NLGN1: variants seen among roughly 807,000 people sequenced by gnomAD.
NLGN1 encodes neuroligin-1.
A neutral mutation model predicts 65.5 loss-of-function variants in NLGN1; 12 were observed. The ratio of observed to expected loss-of-function variants is 0.18; its 90% confidence interval spans 0.12 to 0.30. The LOEUF (loss-of-function observed/expected upper bound fraction) is 0.30. NLGN1 is among the 10% of genes least tolerant of loss of function. The probability of loss-of-function intolerance (pLI) is 1.00; values close to 1 mark genes in which losing one functional copy is unlikely to be tolerated. For missense variants in NLGN1, 750 were observed against 1,007.1 expected (o/e 0.74, Z 3.46); for synonymous variants, 350 against 359.5 (o/e 0.97, Z 0.30).
chr3:173,907,493 T>C (rs1738653345), intron 4 of NLGN1, among the ~76,000 whole-genome samples: 1 of 152,160 alleles, frequency 6.6e-6, no homozygotes, highest in Admixed American at 6.5e-5. Context: ...CTCTTCTCTC[T>C]TCTTATCACA....
chr3:174,026,379 G>A (rs978442245), intron 4 of NLGN1, among the ~76,000 whole-genome samples: 1 of 152,000 alleles, frequency 6.6e-6, no homozygotes. Flanking sequence ...GCCCATTTTG[G>A]CCTCCCAAAG....
intron 4 of NLGN1, among the ~76,000 whole-genome samples, chr3:173,865,656 T>G (rs993830176): frequency 6.6e-6 from 1 of 152,176 alleles, no homozygotes; most frequent in African/African-American, 2.4e-5. Context: ...CCAGGTAGCT[T>G]GATTCCAGAG....
intron 3 of NLGN1, among the ~76,000 whole-genome samples, chr3:173,642,114 A>T (rs773377764): frequency 2.0e-4 from 31 of 152,044 alleles, no homozygotes; most frequent in African/African-American, 7.5e-4. Flanking sequence ...CAGAGACTGG[A>T]TCTACCTCTT....
chr3:174,118,379 G>C (rs559136489), intron 4 of NLGN1, among the ~76,000 whole-genome samples: 211 of 152,128 alleles, frequency 1.4e-3, no homozygotes, highest in African/African-American at 4.9e-3. Flanking sequence ...TTCATTTTTG[G>C]AACACTTAAT....
intron 3 of NLGN1, among the ~76,000 whole-genome samples, chr3:173,702,234 G>A (rs1489877143): frequency 2.4e-5 from 3 of 126,454 alleles, no homozygotes; most frequent in Admixed American, 7.5e-5. Flanking sequence ...GCGAGACTCC[G>A]TCTCAAAAAA....
chr3:173,697,257 G>A (rs1410039794), intron 3 of NLGN1, among the ~76,000 whole-genome samples: 1 of 152,100 alleles, frequency 6.6e-6, no homozygotes, highest in East Asian at 1.9e-4. Flanking sequence ...GATATGCTTG[G>A]GAGTGTGTCA....
chr3:173,956,472 A>G (rs941991255), intron 4 of NLGN1, among the ~76,000 whole-genome samples: 18 of 152,076 alleles, frequency 1.2e-4, no homozygotes, highest in African/African-American at 4.3e-4. Context: ...TATTATTTGT[A>G]GTTATTGCTA....
intron 4 of NLGN1, among the ~76,000 whole-genome samples, chr3:174,233,252 C>T (rs1392578045): frequency 3.3e-5 from 5 of 152,012 alleles, no homozygotes; most frequent in African/African-American, 1.2e-4. Flanking sequence ...GAGCCTGAGG[C>T]GGGAGGAGTT....
At position 173,749,670 on chromosome 3, in the gene NLGN1, C is replaced by CA. The variant is rs201665654; in HGVS notation, c.494-58000dup. On this transcript the variant is annotated intron_variant, in intron 3 of 6. Coordinates refer to ENST00000457714, the Ensembl canonical transcript of NLGN1. ...CATTTCCTTAAATAGTGCTTCTAAC[C>CA]AAAAAAAAAATAATATTAACATATA... Among the ~76,000 whole-genome samples, 532 of 147,422 alleles carry CA rather than the reference C, an allele frequency of 3.6e-3. 4 individuals are homozygous for CA. The highest frequency in any genetic ancestry group is 0.017 in the East Asian group (86 of 5,018).
intron 4 of NLGN1, among the ~76,000 whole-genome samples, chr3:174,234,342 C>T (rs573095125): frequency 5.3e-5 from 8 of 152,094 alleles, no homozygotes; most frequent in Non-Finnish European, 7.4e-5. Context: ...ATCCCTTCTC[C>T]CCTGATTCTT....
At chr3:173,822,517 T>A (rs1271276580) in intron 4 of NLGN1, among the ~76,000 whole-genome samples, 8 of 152,190 alleles carry the variant, frequency 5.3e-5, no homozygotes, top group Admixed American at 5.2e-4. Context: ...AATTACCTTC[T>A]GGCTATGTGT....
intron 2 of NLGN1, among the ~76,000 whole-genome samples, chr3:173,560,053 C>T (rs1422593906): frequency 6.6e-6 from 1 of 151,610 alleles, no homozygotes; most frequent in East Asian, 1.9e-4. Flanking sequence ...ACGCCATTCT[C>T]CTGCCTCAGC....
intron 4 of NLGN1, among the ~76,000 whole-genome samples, chr3:174,011,218 G>T (rs1725491343): frequency 6.6e-6 from 1 of 152,098 alleles, no homozygotes; most frequent in Non-Finnish European, 1.5e-5. Flanking sequence ...TTCTTTTTCA[G>T]TATTAATCTA....
At chr3:173,783,539 G>T (rs1355232407) in intron 3 of NLGN1, among the ~76,000 whole-genome samples, 2 of 152,168 alleles carry the variant, frequency 1.3e-5, no homozygotes, top group Non-Finnish European at 2.9e-5. Context: ...AGCGCCATAG[G>T]CCACTCACTG....
chr3:173,428,039 T>C (rs895527599), intron 1 of NLGN1, among the ~76,000 whole-genome samples: 3 of 151,940 alleles, frequency 2.0e-5, no homozygotes, highest in Non-Finnish European at 2.9e-5. Flanking sequence ...TCCTGTTATA[T>C]TGACCCACTT....
At chr3:173,671,020 G>A (rs1360087587) in intron 3 of NLGN1, among the ~76,000 whole-genome samples, 7 of 152,094 alleles carry the variant, frequency 4.6e-5, no homozygotes, top group Admixed American at 3.9e-4. Flanking sequence ...AATGATTCCT[G>A]TTGGCTTTTA....
intron 4 of NLGN1, among the ~76,000 whole-genome samples, chr3:174,204,594 CAG>C (rs1307354783): frequency 6.6e-6 from 1 of 152,184 alleles, no homozygotes; most frequent in African/African-American, 2.4e-5. Flanking sequence ...AGTCTTGAGA[CAG>C]CATAAGCTCA....
At chr3:174,277,598 T>C (rs996842215) in intron 5 of NLGN1, among the ~76,000 whole-genome samples, 1 of 151,954 alleles carries the variant, frequency 6.6e-6, no homozygotes, top group Admixed American at 6.6e-5. Flanking sequence ...ATTATCTGTA[T>C]TTGTATCATT....
intron 3 of NLGN1, among the ~76,000 whole-genome samples, chr3:173,731,660 G>T (rs1426269755): frequency 2.0e-5 from 3 of 151,826 alleles, no homozygotes; most frequent in Non-Finnish European, 4.4e-5. Flanking sequence ...CTGAAAAACA[G>T]CATGAGAAAC....
Sources: gnomAD v4.1 joint callset for allele counts (sites outside exome capture counted in the v4.1 genomes callset) on GRCh38, gnomAD v4.1.1 for gene constraint, MANE v1.5 for transcripts, NCBI Gene and HGNC (gene_info 2026-07-23, HGNC 2026-07-21) for gene names.